The following KLF8 variants were observed in gnomAD, a reference collection of about 807,000 sequenced individuals.
KLF8 encodes the protein KLF transcription factor 8, also known as Krueppel-like factor 8.
Under a neutral mutation model 18.2 loss-of-function variants are expected in KLF8, and 10 were observed. The observed-to-expected ratio is 0.55, with a 90% CI of 0.34 to 0.93. The LOEUF (loss-of-function observed/expected upper bound fraction) is 0.93. KLF8 is among the 40% of genes least tolerant of loss of function. The pLI, the probability that KLF8 is intolerant of heterozygous loss-of-function variation, is 0.02. For synonymous variants in KLF8, 109 were observed against 97.3 expected, an observed-to-expected ratio of 1.12 and a Z score of -0.71; for missense variants, 264 against 277.9, an observed-to-expected ratio of 0.95 and a Z score of 0.36.
At chrX:56,100,660 G>A in the KLF8 span, among the ~76,000 whole-genome samples, 1 of 111,485 alleles carries the variant, frequency 9.0e-6, no homozygotes, top group Non-Finnish European at 1.9e-5. Flanking sequence ...ACCCTCATGG[G>A]TGACTTTGAG....
the KLF8 span, among the ~76,000 whole-genome samples, chrX:56,031,602 G>A: frequency 1.8e-5 from 2 of 111,651 alleles, no homozygotes; most frequent in Non-Finnish European, 3.8e-5. Flanking sequence ...GGATCATGTC[G>A]CTCGGGTAGG....
At chrX:56,254,800 TCTC>T (rs777688593) in intron 2 of KLF8, among the ~76,000 whole-genome samples, 1 of 111,424 alleles carries the variant, frequency 9.0e-6, no homozygotes, top group Non-Finnish European at 1.9e-5. Flanking sequence ...TTTAGCTGCT[TCTC>T]CTCTTTCTGC....
chrX:56,153,499 T>C, the KLF8 span, among the ~76,000 whole-genome samples: 1 of 111,510 alleles, frequency 9.0e-6, no homozygotes, highest in East Asian at 2.8e-4. Flanking sequence ...ATGAAGAAAA[T>C]ATGGCTTTAA....
chrX:56,174,969 T>C, the KLF8 span, among the ~76,000 whole-genome samples: 1 of 112,068 alleles, frequency 8.9e-6, no homozygotes, highest in Non-Finnish European at 1.9e-5. Flanking sequence ...TTATTGCGTC[T>C]ATTTGGTTCT....
At chrX:56,010,732 A>T in the KLF8 span, among the ~76,000 whole-genome samples, 1 of 112,251 alleles carries the variant, frequency 8.9e-6, no homozygotes, top group African/African-American at 3.2e-5. Context: ...ACTTGCAAAG[A>T]CATGCATAGG....
chrX:56,010,360 C>T, the KLF8 span, among the ~76,000 whole-genome samples: 2 of 107,447 alleles, frequency 1.9e-5, no homozygotes, highest in Admixed American at 9.6e-5. Context: ...TTCAGTCAAA[C>T]TAAGCTTCAT....
chrX:56,054,170 C>T, the KLF8 span, among the ~76,000 whole-genome samples: 73 of 110,465 alleles, frequency 6.6e-4, no homozygotes, highest in South Asian at 0.02. Context: ...CTCTCTCTGT[C>T]GCCCAGGCTG....
At chrX:55,946,575 G>C in the KLF8 span, among the ~76,000 whole-genome samples, 1 of 111,515 alleles carries the variant, frequency 9.0e-6, no homozygotes, top group African/African-American at 3.3e-5. Context: ...CATAGGCATG[G>C]GCAAGGACTT....
At chrX:56,145,367 A>G in the KLF8 span, among the ~76,000 whole-genome samples, 1 of 112,063 alleles carries the variant, frequency 8.9e-6, no homozygotes, top group African/African-American at 3.2e-5. Flanking sequence ...AAGTAAAATG[A>G]TACACCTACT....
At chrX:56,184,302 C>A in the KLF8 span, among the ~76,000 whole-genome samples, 77 of 112,123 alleles carry the variant, frequency 6.9e-4, no homozygotes, top group Non-Finnish European at 1.3e-3. Flanking sequence ...AACTGCAAGG[C>A]GGGAGTGAGC....
rs896521741 is a variant in KLF8, at chrX:56,235,448, C to T, written c.7+2107C>T. Among the ~76,000 whole-genome samples the T allele has an allele frequency of 1.6e-3, 158 of 99,303 alleles. 1 individual carries two copies. The highest frequency in any genetic ancestry group is 3.2e-3 in the Admixed American group (29 of 8,932). The allele number at this position is 99,303 out of a possible 115,157, so 86.2% of individuals were successfully genotyped here. On this transcript the variant is annotated intron_variant, in intron 1 of 5. Coordinates refer to ENST00000468660, the MANE Select transcript of KLF8 (RefSeq NM_007250.5). ...TTTTTTTTTTTGACACGGTGTTTCG[C>T]CCTTGTTGCCCAGGCTGGAGTGCAA...
At chrX:56,106,816 C>G in the KLF8 span, among the ~76,000 whole-genome samples, 1 of 112,412 alleles carries the variant, frequency 8.9e-6, no homozygotes, top group African/African-American at 3.2e-5. Context: ...GAATTTTCAG[C>G]TTTTCTGCTC....
chrX:55,956,865 G>T, the KLF8 span, among the ~76,000 whole-genome samples: 1 of 111,092 alleles, frequency 9.0e-6, no homozygotes, highest in Admixed American at 9.6e-5. Context: ...TCAGTCTTTG[G>T]ATCATGTCCT....
chrX:55,946,425 C>T, the KLF8 span, among the ~76,000 whole-genome samples: 2 of 111,689 alleles, frequency 1.8e-5, no homozygotes, highest in Non-Finnish European at 3.8e-5. Flanking sequence ...GGAAAACTGG[C>T]TAGCCATATG....
the KLF8 span, among the ~76,000 whole-genome samples, chrX:56,078,353 T>G: frequency 8.9e-6 from 1 of 112,282 alleles, no homozygotes; most frequent in Non-Finnish European, 1.9e-5. Flanking sequence ...TAGCATGAAG[T>G]GCTGCTGAAT....
At chrX:56,210,679 C>T in the KLF8 span, among the ~76,000 whole-genome samples, 2 of 110,132 alleles carry the variant, frequency 1.8e-5, no homozygotes, top group Non-Finnish European at 3.8e-5. Flanking sequence ...CTTAGATTTG[C>T]CCTTTTGACA....
chrX:55,996,063 A>T, the KLF8 span, among the ~76,000 whole-genome samples: 767 of 111,807 alleles, frequency 6.9e-3, 2 homozygotes, highest in African/African-American at 0.024. Context: ...CATACTTTTT[A>T]AAATTATTTT....
chrX:56,120,352 T>A, the KLF8 span, among the ~76,000 whole-genome samples: 1 of 111,204 alleles, frequency 9.0e-6, no homozygotes, highest in Non-Finnish European at 1.9e-5. Flanking sequence ...TTTCCCTGAG[T>A]TTTTTCGACT....
chrX:56,179,579 G>C, the KLF8 span, among the ~76,000 whole-genome samples: 2 of 112,002 alleles, frequency 1.8e-5, no homozygotes, highest in Non-Finnish European at 3.8e-5. Context: ...AGTTTTCAAA[G>C]GGAATGCTTC....
Sources: gnomAD v4.1 joint callset for allele counts (sites outside exome capture counted in the v4.1 genomes callset) on GRCh38, gnomAD v4.1.1 for gene constraint, MANE v1.5 for transcripts, NCBI Gene and HGNC (gene_info 2026-07-23, HGNC 2026-07-21) for gene names.